STK35: variants seen among roughly 807,000 people sequenced by gnomAD.
STK35 encodes the protein serine/threonine-protein kinase 35.
In STK35, 17 loss-of-function variants were observed where a neutral mutation model predicts 37.3. The observed-to-expected ratio is 0.46, with a 90% CI of 0.31 to 0.68. The LOEUF is 0.68. Ranked by LOEUF, STK35 falls within the 30% of genes least tolerant of loss-of-function variation. STK35 has a pLI of 0.05. For synonymous variants in STK35, 385 were observed against 319.1 expected (o/e 1.21, Z -2.20); for missense variants, 595 against 746.7 (o/e 0.80, Z 2.37).
In STK35 at chr20:2,144,849, C is replaced by T. The variant is rs1226482697; in HGVS notation, c.*1103C>T. ...GTGTTCTCACAGTGAAGGGCGTGCC[C>T]TGTGTGCCGGGGTCCATGGTGTCAT... On this transcript the variant is annotated 3_prime_UTR_variant, in exon 4 of 4. Transcript: ENST00000381482. The T allele has an allele frequency of 6.5e-6, 1 of 152,814 alleles. No individual in the cohort carries two copies. Among genetic ancestry groups the T allele is most frequent in the African/African-American group, 2.4e-5 (1 of 41,470 alleles). The allele number at this position is 152,814 out of a possible 1,614,324, so 9.5% of individuals were successfully genotyped here.
In STK35 at chr20:2,134,657, G is replaced by A. The variant is rs143859266; in HGVS notation, c.*38-9127G>A. Among the ~76,000 whole-genome samples, 797 of 152,170 alleles carry A rather than the reference G, an allele frequency of 5.2e-3. 5 individuals are homozygous for A. Among genetic ancestry groups the A allele is most frequent in the African/African-American group, 0.018 (757 of 41,492 alleles). On this transcript the variant is annotated intron_variant, in intron 3 of 3. Coordinates refer to ENST00000381482, the MANE Select transcript of STK35 (RefSeq NM_080836.4). ...TGTAATCCCAGCACTTTGGGAGGCCGAGGCTGGCAAATCACCTGAGGTAAG... is the reference window on the plus strand; with the variant it reads ...TGTAATCCCAGCACTTTGGGAGGCCAAGGCTGGCAAATCACCTGAGGTAAG...
In STK35 at chr20:2,102,184, G is replaced by T; in HGVS notation, c.294+9G>T. The T allele has an allele frequency of 7.3e-7, 1 of 1,372,924 alleles. No homozygotes were observed. The highest frequency in any genetic ancestry group is 9.4e-7 in the Non-Finnish European group (1 of 1,064,216). 85.0% of individuals were successfully genotyped at this position (1,372,924 alleles called of 1,614,324 possible). On this transcript the variant is annotated intron_variant, in intron 1 of 3. Transcript: ENST00000381482. ...GGAGGTGCGCGGGCCAGGTAAGGGC[G>T]CCGTTGGAGGACTGAAGGCCAGCGC...
chr20:2,103,367 TAGG>T lies in STK35; in HGVS notation c.892+5_892+7del, dbSNP rs752829027. ...GCCTGGTGGAGACCTCGCTGAAAGG[TAGG>T]AGCACCGCGGGCCTTTCCACCCACG... is the stretch of plus-strand genomic sequence containing the variant. On this transcript the variant is annotated splice_donor_5th_base_variant and intron_variant, in intron 2 of 3. Transcript: ENST00000381482. The T allele has an allele frequency of 1.1e-5, 17 of 1,608,110 alleles. No individual in the cohort carries two copies. The highest frequency in any genetic ancestry group is 4.4e-5 in the South Asian group (4 of 90,844).
intron 3 of STK35, among the ~76,000 whole-genome samples, chr20:2,142,457 G>A (rs181289644): frequency 3.2e-3 from 488 of 152,308 alleles, no homozygotes; most frequent in Non-Finnish European, 5.6e-3. Context: ...ACAAAGAAAG[G>A]CACGCACAGT....
intron 3 of STK35, among the ~76,000 whole-genome samples, chr20:2,142,318 A>G (rs556716314): frequency 7.5e-4 from 114 of 151,976 alleles, no homozygotes; most frequent in Non-Finnish European, 1.5e-3. Context: ...AAATTATCCA[A>G]TATTGTCCTA....
At chr20:2,135,574 G>A (rs1986072915) in intron 3 of STK35, among the ~76,000 whole-genome samples, 1 of 152,158 alleles carries the variant, frequency 6.6e-6, no homozygotes, top group South Asian at 2.1e-4. Context: ...TGCATTTTAA[G>A]ATCTTGGGCA....
chr20:2,131,656 T>A (rs879865447), intron 3 of STK35, among the ~76,000 whole-genome samples: 1 of 152,206 alleles, frequency 6.6e-6, no homozygotes, highest in Non-Finnish European at 1.5e-5. Context: ...CTTAGCTTAC[T>A]GTAACTTTTT....
Position 2,103,053 on chromosome 20 carries a change from G to T in STK35, c.580G>T (p.Gly194Cys). 1 of 1,559,358 alleles carries T rather than the reference G, an allele frequency of 6.4e-7. No homozygotes were observed. The highest frequency in any genetic ancestry group is 1.8e-4 in the Middle Eastern group (1 of 5,474). The change falls in exon 2 of 4, where the codon GGT (glycine) becomes TGT (cysteine). Residue 194 changes from glycine (G) to cysteine (C), a missense_variant. Around this residue, in one of 3 missense-constraint regions of STK35, gnomAD observed 389 missense variants for 320.0 expected, o/e 1.22. Transcript: ENST00000381482. ...CCTGGCGCGGCGACGGCCTGAGGGC[G>T]GTGGCGGGTCCGCGCGGCCGCGTTA... The part of the protein sequence containing the change: ...AFLARRRPEG[G>C]GGSARPRYSL...
rs1986292276 is a variant in STK35 at position 2,147,550 on chromosome 20, T to A, written c.*3804T>A. 1 of 152,194 alleles carries A rather than the reference T, an allele frequency of 6.6e-6. No individual in the cohort carries two copies. Among genetic ancestry groups the A allele is most frequent in the Non-Finnish European group, 1.5e-5 (1 of 68,070 alleles). The allele number at this position is 152,194 out of a possible 1,614,324, so 9.4% of individuals were successfully genotyped here. A position where few individuals can be genotyped will look rare whatever the true frequency, so the allele number is the denominator to read the frequency against. On this transcript the variant is annotated 3_prime_UTR_variant, in exon 4 of 4. Coordinates refer to ENST00000381482, the MANE Select transcript of STK35 (RefSeq NM_080836.4). ...AAGCAGGAGTCAGGCTGCCACCCCCTAAGGAGGGACCCTAACGTTCTGCCC... is the reference window on the plus strand; with the variant it reads ...AAGCAGGAGTCAGGCTGCCACCCCCAAAGGAGGGACCCTAACGTTCTGCCC...
chr20:2,120,487 G>C (rs1003183170), intron 3 of STK35, among the ~76,000 whole-genome samples: 8 of 152,208 alleles, frequency 5.3e-5, no homozygotes, highest in African/African-American at 1.9e-4. Flanking sequence ...TGGGCACTTA[G>C]AATTGTGGGC....
In STK35 at chr20:2,125,879, G is replaced by A. The variant is rs78003908; in HGVS notation, c.*37+8464G>A. 9.8e-3 allele frequency among the ~76,000 whole-genome samples: 1,499 copies of A among 152,258 alleles called. 29 individuals are homozygous for A. Among genetic ancestry groups the A allele is most frequent in the African/African-American group, 0.034 (1,414 of 41,540 alleles). ...GATCTAAAGCACACCTCCACCCACC[G>A]GCAGCTGGGAAAGCACCCAGCACTG... On this transcript the variant is annotated intron_variant, in intron 3 of 3. Coordinates refer to ENST00000381482, the MANE Select transcript of STK35 (RefSeq NM_080836.4).
At chr20:2,127,945 G>C (rs1985934443) in intron 3 of STK35, among the ~76,000 whole-genome samples, 1 of 152,140 alleles carries the variant, frequency 6.6e-6, no homozygotes, top group Non-Finnish European at 1.5e-5. Flanking sequence ...TCATGAGTAA[G>C]AAGTGTTGGT....
chr20:2,119,881 A>G (rs1985785735), intron 3 of STK35, among the ~76,000 whole-genome samples: 1 of 151,972 alleles, frequency 6.6e-6, no homozygotes, highest in Non-Finnish European at 1.5e-5. Context: ...GCTTGGTTTC[A>G]TGTGTAGTGT....
At chr20:2,107,352 A>G (rs1600599001) in intron 2 of STK35, among the ~76,000 whole-genome samples, 1 of 152,190 alleles carries the variant, frequency 6.6e-6, no homozygotes, top group Non-Finnish European at 1.5e-5. Flanking sequence ...CCTAGCTTAC[A>G]CTCAACTTGA....
chr20:2,105,655 G>A (rs1021387323), intron 2 of STK35, among the ~76,000 whole-genome samples: 1 of 152,204 alleles, frequency 6.6e-6, no homozygotes, highest in Non-Finnish European at 1.5e-5. Context: ...TAGGGTCACT[G>A]TGCAAACTGT....
chr20:2,112,080 A>G lies in STK35; in HGVS notation c.893-4586A>G, dbSNP rs146615086. On this transcript the variant is annotated intron_variant, in intron 2 of 3. Transcript: ENST00000381482. ...TCACCGCACCTCTGTCTCAAGAGCA[A>G]TGTGTGCTCAGAAATTGTTGAAGTG... Among the ~76,000 whole-genome samples, 758 of 152,370 alleles carry G rather than the reference A, an allele frequency of 5.0e-3. 4 individuals are homozygous for G. The highest frequency in any genetic ancestry group is 0.017 in the African/African-American group (720 of 41,582).
intron 3 of STK35, among the ~76,000 whole-genome samples, chr20:2,143,044 C>T (rs1463546492): frequency 2.6e-5 from 4 of 152,180 alleles, no homozygotes; most frequent in Non-Finnish European, 4.4e-5. Context: ...TTCATTTAAT[C>T]TTCATAATAG....
At chr20:2,114,554 A>G (rs545485637) in intron 2 of STK35, among the ~76,000 whole-genome samples, 1 of 152,336 alleles carries the variant, frequency 6.6e-6, no homozygotes, top group Admixed American at 6.5e-5. Flanking sequence ...CTTCCTGTCC[A>G]GAATTTTCCT....
chr20:2,121,150 G>A (rs1985809665), intron 3 of STK35, among the ~76,000 whole-genome samples: 1 of 152,152 alleles, frequency 6.6e-6, no homozygotes, highest in African/African-American at 2.4e-5. Flanking sequence ...TAGAGATTTT[G>A]GCTTGTGTTT....
Sources: gnomAD v4.1 joint callset for allele counts (sites outside exome capture counted in the v4.1 genomes callset) on GRCh38, gnomAD v4.1.1 for gene constraint, gnomAD v4.1.1 regional missense constraint, MANE v1.5 for transcripts, NCBI Gene and HGNC (gene_info 2026-07-23, HGNC 2026-07-21) for gene names.